Variants in ABLIM1 observed in about 807,000 individuals in gnomAD.
ABLIM1 encodes the protein actin-binding LIM protein 1.
A neutral mutation model predicts 107.0 loss-of-function variants in ABLIM1; 40 were observed. The ratio of observed to expected loss-of-function variants is 0.37; its 90% CI spans 0.29 to 0.49. The LOEUF (loss-of-function observed/expected upper bound fraction) is 0.49. ABLIM1 is among the 20% of genes least tolerant of loss of function. The pLI, the probability that ABLIM1 is intolerant of heterozygous loss-of-function variation, is 0.97. For synonymous variants in ABLIM1, 357 were observed against 357.3 expected, an observed-to-expected ratio of 1.00 and a Z score of 0.01; for missense variants, 857 against 1,008.5, an observed-to-expected ratio of 0.85 and a Z score of 2.04.
intron 1 of ABLIM1, among the ~76,000 whole-genome samples, chr10:114,623,301 C>T (rs373760678): frequency 6.6e-6 from 1 of 152,166 alleles, no homozygotes; most frequent in South Asian, 2.1e-4. Flanking sequence ...CCCCAACTCG[C>T]CCCCATGAAA....
chr10:114,491,012 G>GTGTGTATGTATATA, intron 7 of ABLIM1, among the ~76,000 whole-genome samples: 6 of 92,388 alleles, frequency 6.5e-5, no homozygotes, highest in Non-Finnish European at 7.9e-5. Context: ...GTGTGTGTGT[G>GTGTGTATGTATATA]TATATATATA....
rs1183362473 is a variant in ABLIM1, at chr10:114,463,163, C to T, written c.1441+2535G>A. The T allele has an allele frequency of 6.2e-6, 8 of 1,290,750 alleles. No homozygotes were observed. The Admixed American group carries it at 1.9e-4, about 30-fold the overall frequency. The allele number at this position is 1,290,750 out of a possible 1,614,324, so 80.0% of individuals were successfully genotyped here. Reference sequence around the variant, plus strand: ...ACCTCTGCACACCAGGAGACAAAAGCTCTGTGCAGCAAGGAGTCAGGGGCA... The same window carrying T: ...ACCTCTGCACACCAGGAGACAAAAGTTCTGTGCAGCAAGGAGTCAGGGGCA... On this transcript the variant is annotated intron_variant, in intron 12 of 22. Transcript: ENST00000533213.
intron 1 of ABLIM1, among the ~76,000 whole-genome samples, chr10:114,645,636 AT>A (rs1185423053): frequency 4.6e-5 from 7 of 152,152 alleles, no homozygotes; most frequent in Non-Finnish European, 8.8e-5. Context: ...GACAGAATAT[AT>A]TTTTTTCTCA....
chr10:114,493,119 G>A (rs2059226275), intron 6 of ABLIM1, among the ~76,000 whole-genome samples: 1 of 152,170 alleles, frequency 6.6e-6, no homozygotes, highest in Non-Finnish European at 1.5e-5. Context: ...AGAGTGGCGA[G>A]AGAAGGCGGG....
chr10:114,596,343 G>A (rs748488893), intron 2 of ABLIM1, among the ~76,000 whole-genome samples: 1 of 152,114 alleles, frequency 6.6e-6, no homozygotes, highest in Non-Finnish European at 1.5e-5. Context: ...TTGACAACCT[G>A]GTATGCTGTC....
intron 1 of ABLIM1, among the ~76,000 whole-genome samples, chr10:114,621,889 A>T (rs1482938694): frequency 1.3e-5 from 2 of 152,184 alleles, no homozygotes; most frequent in Admixed American, 6.5e-5. Flanking sequence ...TTAGGCTAGG[A>T]CCTCTACACA....
chr10:114,484,568 A>T (rs1465627729), intron 8 of ABLIM1, among the ~76,000 whole-genome samples: 1 of 151,132 alleles, frequency 6.6e-6, no homozygotes, highest in Non-Finnish European at 1.5e-5. Context: ...TTTTTAGTGG[A>T]GACGGGGTTT....
intron 5 of ABLIM1, among the ~76,000 whole-genome samples, chr10:114,546,297 CTT>C (rs373431588): frequency 1.4e-4 from 19 of 139,012 alleles, no homozygotes; most frequent in Non-Finnish European, 1.1e-4. Flanking sequence ...TCTTTTCTTT[CTT>C]TTTTTTTTTT....
upstream of ABLIM1, among the ~76,000 whole-genome samples, chr10:114,662,717 A>G (rs2079846834): frequency 1.3e-5 from 2 of 152,282 alleles, no homozygotes; most frequent in Admixed American, 6.5e-5. Context: ...ACCCTCTTCC[A>G]TATCTTCTCC....
chr10:114,516,001 T>C (rs1430342208), intron 6 of ABLIM1, among the ~76,000 whole-genome samples: 1 of 152,230 alleles, frequency 6.6e-6, no homozygotes, highest in Non-Finnish European at 1.5e-5. Context: ...GGTGCTTTGT[T>C]ATGCTGGCTC....
chr10:114,687,487 C>T (rs2080969567), upstream of ABLIM1, among the ~76,000 whole-genome samples: 1 of 152,186 alleles, frequency 6.6e-6, no homozygotes, highest in Admixed American at 6.5e-5. Context: ...TACAATAGGC[C>T]AACATGTTTG....
chr10:114,442,763 A>G (rs2060378330), intron 17 of ABLIM1, among the ~76,000 whole-genome samples: 1 of 152,256 alleles, frequency 6.6e-6, no homozygotes, highest in Non-Finnish European at 1.5e-5. Flanking sequence ...TGCTAATAAC[A>G]ACCACATCTA....
chr10:114,440,450 C>CTT (rs76464426), intron 19 of ABLIM1, among the ~76,000 whole-genome samples: 1 of 146,488 alleles, frequency 6.8e-6, no homozygotes, highest in Non-Finnish European at 1.5e-5. Context: ...CCTCCAGTTA[C>CTT]TTTTTTTTTT....
intron 1 of ABLIM1, among the ~76,000 whole-genome samples, chr10:114,699,255 C>T (rs540326473): frequency 1.4e-4 from 22 of 151,798 alleles, no homozygotes; most frequent in Non-Finnish European, 2.5e-4. Context: ...TTGGATGATG[C>T]TTTAATAATG....
rs528963276 is a variant in ABLIM1, at chr10:114,690,871, TG to T, written c.-213+77189del. Reference sequence around the variant, plus strand: ...TAATTTTTGTATTTTTAATAGAGACTGGGTTTCGCCATGTTGGCCAGGCTGG... The same window carrying T: ...TAATTTTTGTATTTTTAATAGAGACTGGTTTCGCCATGTTGGCCAGGCTGG... On this transcript the variant is annotated intron_variant, in intron 1 of 15. Transcript: ENST00000651092. Among the ~76,000 whole-genome samples, 87 of 152,210 alleles carry T rather than the reference TG, an allele frequency of 5.7e-4. 1 individual carries two copies. Among genetic ancestry groups the T allele is most frequent in the Admixed American group, 2.2e-3 (34 of 15,290 alleles).
rs1555092147 is a variant in ABLIM1, at chr10:114,491,010, G to GTGTGTATATA, written c.982+780_982+781insTATATACACA. Among the ~76,000 whole-genome samples, 224 of 89,178 alleles carry GTGTGTATATA rather than the reference G, an allele frequency of 2.5e-3. 6 individuals carry two copies. In the East Asian group the frequency reaches 0.046, roughly 18 times the overall value. 58.5% of individuals were successfully genotyped at this position (89,178 alleles called of 152,430 possible). ...TGTGTGTGTGTGTGTGTGTGTGTGT[G>GTGTGTATATA]TGTATATATATATATGGTCTATTTT... On this transcript the variant is annotated intron_variant, in intron 7 of 22. Transcript: ENST00000533213.
intron 2 of ABLIM1, among the ~76,000 whole-genome samples, chr10:114,577,616 TA>T (rs1284579708): frequency 6.6e-6 from 1 of 152,254 alleles, no homozygotes; most frequent in Non-Finnish European, 1.5e-5. Flanking sequence ...GAAATTGACA[TA>T]TAGTATCCTT....
At chr10:114,681,824 C>T (rs910386665) in intron 1 of ABLIM1, among the ~76,000 whole-genome samples, 5 of 152,306 alleles carry the variant, frequency 3.3e-5, no homozygotes, top group South Asian at 2.1e-4. Flanking sequence ...CCCAATTCTC[C>T]GAGCATGCTG....
At chr10:114,530,907 A>T (rs1342940930) in intron 6 of ABLIM1, among the ~76,000 whole-genome samples, 1 of 152,258 alleles carries the variant, frequency 6.6e-6, no homozygotes, top group African/African-American at 2.4e-5. Flanking sequence ...ATTTTTGGTT[A>T]AAGGACATGG....
Sources: allele counts gnomAD v4.1 joint callset (sites outside exome capture counted in the v4.1 genomes callset), GRCh38; gene constraint gnomAD v4.1.1; transcripts MANE v1.5; gene names NCBI Gene and HGNC (gene_info 2026-07-23, HGNC 2026-07-21).